The following CDH12 variants were observed in gnomAD, a reference collection of about 807,000 sequenced individuals.
CDH12 encodes the protein cadherin-12.
CDH12 carries 41 observed loss-of-function variants against 74.1 expected under a neutral mutation model. The ratio of observed to expected loss-of-function variants is 0.55; its 90% CI spans 0.43 to 0.72. The LOEUF is 0.72. Ranked by LOEUF, CDH12 falls within the 30% of genes least tolerant of loss-of-function variation. The pLI is 0.00. For missense variants in CDH12, 945 were observed against 977.2 expected, an observed-to-expected ratio of 0.97 and a Z score of 0.44; for synonymous variants, 399 against 355.0, an observed-to-expected ratio of 1.12 and a Z score of -1.39.
At chr5:22,513,391 T>C (rs1319054488) in intron 1 of CDH12, among the ~76,000 whole-genome samples, 2 of 152,026 alleles carry the variant, frequency 1.3e-5, no homozygotes, top group Non-Finnish European at 2.9e-5. Context: ...AAAAAATGTA[T>C]TGACAGCTTT....
At chr5:22,253,547 C>T (rs537814817) in intron 3 of CDH12, among the ~76,000 whole-genome samples, 1 of 151,788 alleles carries the variant, frequency 6.6e-6, no homozygotes, top group Non-Finnish European at 1.5e-5. Flanking sequence ...TTTTCAGAGG[C>T]TTATTTTCAT....
chr5:22,508,195 C>T (rs1005867704), intron 1 of CDH12, among the ~76,000 whole-genome samples: 1 of 152,112 alleles, frequency 6.6e-6, no homozygotes, highest in South Asian at 2.1e-4. Flanking sequence ...CATTTTCCAG[C>T]CTACCATAGA....
At chr5:22,562,852 C>A (rs1580767803) in intron 1 of CDH12, among the ~76,000 whole-genome samples, 4 of 148,186 alleles carry the variant, frequency 2.7e-5, no homozygotes, top group Admixed American at 2.0e-4. Flanking sequence ...TAAATGATCT[C>A]TTATAGTCTA....
At chr5:22,487,029 A>G (rs1013528105) in intron 2 of CDH12, among the ~76,000 whole-genome samples, 3 of 109,242 alleles carry the variant, frequency 2.7e-5, no homozygotes, top group Non-Finnish European at 5.5e-5. Flanking sequence ...AGGAAAATGC[A>G]TATATACATA....
chr5:22,414,354 T>A (rs1273876348), intron 2 of CDH12, among the ~76,000 whole-genome samples: 1 of 151,986 alleles, frequency 6.6e-6, no homozygotes, highest in Admixed American at 6.5e-5. Context: ...CTTCCCTTAT[T>A]CAAACTCTTG....
intron 3 of CDH12, among the ~76,000 whole-genome samples, chr5:22,228,838 C>T (rs1752284792): frequency 6.6e-6 from 1 of 151,958 alleles, no homozygotes; most frequent in Admixed American, 6.6e-5. Flanking sequence ...AAATTATAGC[C>T]TCCATAATGA....
chr5:22,499,935 T>G (rs964417317), intron 2 of CDH12, among the ~76,000 whole-genome samples: 1 of 152,162 alleles, frequency 6.6e-6, no homozygotes, highest in South Asian at 2.1e-4. Context: ...AAAATAATCA[T>G]TGCCAGGGGA....
chr5:22,738,062 C>T (rs1165433502), intron 1 of CDH12, among the ~76,000 whole-genome samples: 1 of 151,784 alleles, frequency 6.6e-6, no homozygotes, highest in Non-Finnish European at 1.5e-5. Context: ...TTGGGTGAGG[C>T]CAAGTGAGAG....
chr5:22,835,485 A>G (rs1736780554), intron 1 of CDH12, among the ~76,000 whole-genome samples: 1 of 152,126 alleles, frequency 6.6e-6, no homozygotes, highest in Admixed American at 6.6e-5. Flanking sequence ...ATAGAAGTAA[A>G]TATTCATTTT....
chr5:22,747,204 G>A (rs1427935938), intron 1 of CDH12, among the ~76,000 whole-genome samples: 1 of 151,990 alleles, frequency 6.6e-6, no homozygotes, highest in African/African-American at 2.4e-5. Flanking sequence ...CTTATTATAT[G>A]TTTATTTTAC....
At position 22,424,021 on chromosome 5, in the gene CDH12, A is replaced by G. The variant is rs1353799427; in HGVS notation, c.-427-18670T>C. Among the ~76,000 whole-genome samples the G allele has an allele frequency of 4.7e-5, 7 of 149,668 alleles. No homozygotes were observed. In the East Asian group the frequency reaches 9.7e-4, roughly 21 times the overall value. On this transcript the variant is annotated intron_variant, in intron 2 of 14. Transcript: ENST00000382254. ...CTGTCTCAAAAAAAAAAAAAAAAAAAAAAAAAGAAAAGAAAAGAAAAAGAA... is the reference window on the plus strand; with the variant it reads ...CTGTCTCAAAAAAAAAAAAAAAAAAGAAAAAAGAAAAGAAAAGAAAAAGAA...
chr5:22,783,796 A>G (rs1747494791), intron 1 of CDH12, among the ~76,000 whole-genome samples: 1 of 152,270 alleles, frequency 6.6e-6, no homozygotes, highest in African/African-American at 2.4e-5. Context: ...CTTAAGTACC[A>G]CAATTTGACA....
At chr5:22,558,644 G>A (rs1419786459) in intron 1 of CDH12, among the ~76,000 whole-genome samples, 3 of 151,846 alleles carry the variant, frequency 2.0e-5, no homozygotes, top group Non-Finnish European at 4.4e-5. Context: ...AATAAACAAA[G>A]AGAGGGGGAA....
chr5:22,196,766 C>T (rs1750641511), intron 4 of CDH12, among the ~76,000 whole-genome samples: 1 of 152,270 alleles, frequency 6.6e-6, no homozygotes, highest in Admixed American at 6.5e-5. Flanking sequence ...GTTCTCCTTT[C>T]AATCTCAGCC....
At chr5:21,950,533 G>A (rs1361063495) in intron 6 of CDH12, among the ~76,000 whole-genome samples, 1 of 151,282 alleles carries the variant, frequency 6.6e-6, no homozygotes, top group Non-Finnish European at 1.5e-5. Flanking sequence ...AACATAGATT[G>A]GCAGAGTAGT....
chr5:22,275,417 T>G (rs1195793185), intron 3 of CDH12, among the ~76,000 whole-genome samples: 1 of 152,180 alleles, frequency 6.6e-6, no homozygotes, highest in Non-Finnish European at 1.5e-5. Flanking sequence ...TCACATTTAA[T>G]TTTTTAGTGA....
In CDH12 at chr5:21,751,963, C is replaced by A; in HGVS notation, c.2159G>T (p.Arg720Met). ...NTDIRDFIHQ[R>M]LQENDVDPTA... ...TGGATCCACATCATTTTCCTGTAGC[C>A]TTTGATGAATGAAATCCCTTATGTC... Residue 720 changes from arginine to methionine, a missense_variant, in exon 15 of 15, where the codon AGG becomes ATG. Coordinates refer to ENST00000382254, the MANE Select transcript of CDH12 (RefSeq NM_004061.5). 1 of 1,614,054 alleles carries A rather than the reference C, an allele frequency of 6.2e-7. No homozygotes were observed. Among genetic ancestry groups the A allele is most frequent in the South Asian group, 1.1e-5 (1 of 91,070 alleles).
intron 1 of CDH12, among the ~76,000 whole-genome samples, chr5:22,812,525 A>G (rs1749200927): frequency 6.6e-6 from 1 of 152,170 alleles, no homozygotes. Flanking sequence ...AAGTTTACAG[A>G]TTGCAAACCT....
intron 10 of CDH12, among the ~76,000 whole-genome samples, chr5:21,790,970 G>C (rs1579707740): frequency 6.6e-6 from 1 of 151,982 alleles, no homozygotes; most frequent in Admixed American, 6.6e-5. Flanking sequence ...GCTACTTTCT[G>C]GTATCTATTT....
Sources: allele counts gnomAD v4.1 joint callset (sites outside exome capture counted in the v4.1 genomes callset), GRCh38; gene constraint gnomAD v4.1.1; transcripts MANE v1.5; gene names NCBI Gene and HGNC (gene_info 2026-07-23, HGNC 2026-07-21).